The following GARIN2 variants were observed in gnomAD, a reference collection of about 807,000 sequenced individuals.
The protein encoded by GARIN2 is golgi associated RAB2 interactor family member 2.
chr14:67,206,636 T>C, the GARIN2 span, among the ~76,000 whole-genome samples: 3 of 152,148 alleles, frequency 2.0e-5, no homozygotes, highest in African/African-American at 7.2e-5. Context: ...TTCAAGATGA[T>C]CTAAGTAGAC....
the GARIN2 span, among the ~76,000 whole-genome samples, chr14:67,197,741 T>C: frequency 1.3e-5 from 2 of 152,244 alleles, no homozygotes; most frequent in South Asian, 4.1e-4. Flanking sequence ...TACCATCAAT[T>C]TGGAAGATAG....
the GARIN2 span, among the ~76,000 whole-genome samples, chr14:67,221,562 G>A: frequency 7.2e-5 from 11 of 152,060 alleles, no homozygotes; most frequent in African/African-American, 2.2e-4. Flanking sequence ...AAACTTTTAC[G>A]GCTTTTACAG....
At chr14:67,195,717 GT>G in the GARIN2 span, among the ~76,000 whole-genome samples, 1 of 80,690 alleles carries the variant, frequency 1.2e-5, no homozygotes, top group Non-Finnish European at 2.0e-5. Flanking sequence ...TTTTGGTTGT[GT>G]GTGTGTGTGT....
the GARIN2 span, chr14:67,208,378 G>A: frequency 1.9e-6 from 3 of 1,613,894 alleles, no homozygotes; most frequent in African/African-American, 2.7e-5. Flanking sequence ...CATCCAAGGA[G>A]ATGAAGGATA....
the GARIN2 span, among the ~76,000 whole-genome samples, chr14:67,193,352 A>ATC: frequency 3.7e-5 from 5 of 133,624 alleles, no homozygotes; most frequent in African/African-American, 1.3e-4. Flanking sequence ...CTATCTATAT[A>ATC]GAGATATATA....
the GARIN2 span, among the ~76,000 whole-genome samples, chr14:67,223,503 G>A: frequency 7.9e-5 from 12 of 152,278 alleles, no homozygotes; most frequent in East Asian, 2.3e-3. Flanking sequence ...GTAGTCCTGG[G>A]ACTCATCTTC....
the GARIN2 span, among the ~76,000 whole-genome samples, chr14:67,215,117 C>A: frequency 6.6e-6 from 1 of 152,104 alleles, no homozygotes; most frequent in Non-Finnish European, 1.5e-5. Context: ...GATTTGAGAA[C>A]CATTTCCTTA....
chr14:67,199,488 G>A, the GARIN2 span: 4 of 1,612,880 alleles, frequency 2.5e-6, 1 homozygote, highest in Admixed American at 6.7e-5. Context: ...AACTCCAAAG[G>A]TTATGCCTTT....
the GARIN2 span, chr14:67,225,329 A>G: frequency 8.7e-7 from 1 of 1,146,746 alleles, no homozygotes; most frequent in Non-Finnish European, 1.2e-6. Flanking sequence ...CACACAAAAA[A>G]GTTGTTAATA....
the GARIN2 span, among the ~76,000 whole-genome samples, chr14:67,222,387 G>T: frequency 6.6e-6 from 1 of 152,118 alleles, no homozygotes; most frequent in Non-Finnish European, 1.5e-5. Flanking sequence ...TGCCTTTTGA[G>T]TTCAAGTGAT....
chr14:67,193,547 CT>C, the GARIN2 span, among the ~76,000 whole-genome samples: 6 of 136,298 alleles, frequency 4.4e-5, no homozygotes, highest in South Asian at 4.6e-4. Context: ...AAATATATAT[CT>C]ATATATAGAT....
At chr14:67,204,748 T>C in the GARIN2 span, 1 of 1,613,858 alleles carries the variant, frequency 6.2e-7, no homozygotes, top group East Asian at 2.2e-5. Flanking sequence ...TTCAAGTCTC[T>C]CAGGAATTAC....
At chr14:67,221,866 C>A in the GARIN2 span, 1 of 1,595,194 alleles carries the variant, frequency 6.3e-7, no homozygotes, top group Non-Finnish European at 8.5e-7. Flanking sequence ...GTAGTCATCT[C>A]TGGTTCCTAG....
chr14:67,199,740 C>A, the GARIN2 span: 479 of 1,566,636 alleles, frequency 3.1e-4, 1 homozygote, highest in Non-Finnish European at 4.0e-4. Context: ...GTGGTATCAT[C>A]ATTGGGGTCT....
chr14:67,224,070 AC>A, the GARIN2 span: 2 of 866,458 alleles, frequency 2.3e-6, no homozygotes, highest in South Asian at 1.1e-4. Flanking sequence ...CTAGTTAGGG[AC>A]CATGATCTCA....
At chr14:67,209,458 A>G in the GARIN2 span, among the ~76,000 whole-genome samples, 1 of 152,198 alleles carries the variant, frequency 6.6e-6, no homozygotes, top group South Asian at 2.1e-4. Flanking sequence ...ACAATTACAA[A>G]TCTCTGCCAA....
chr14:67,210,735 G>A, the GARIN2 span, among the ~76,000 whole-genome samples: 1 of 151,756 alleles, frequency 6.6e-6, no homozygotes, highest in African/African-American at 2.4e-5. Flanking sequence ...CTTTGCCACA[G>A]GTCATGATGG....
chr14:67,195,619 T>C, the GARIN2 span, among the ~76,000 whole-genome samples: 1 of 152,128 alleles, frequency 6.6e-6, no homozygotes, highest in East Asian at 1.9e-4. Context: ...TCCTCAAATC[T>C]AAGATACACC....
chr14:67,203,058 C>A, the GARIN2 span: 1 of 1,593,108 alleles, frequency 6.3e-7, no homozygotes, highest in Admixed American at 1.7e-5. Context: ...CCACACATTT[C>A]ATCATATAAC....
Sources: allele counts gnomAD v4.1 joint callset (sites outside exome capture counted in the v4.1 genomes callset), GRCh38; gene constraint gnomAD v4.1.1; transcripts MANE v1.5; gene names NCBI Gene and HGNC (gene_info 2026-07-23, HGNC 2026-07-21).